BLTP3A: variants seen among roughly 807,000 people sequenced by gnomAD.
BLTP3A encodes the protein ICBP90 binding protein 1.
At chr6:34,840,927 A>G in the BLTP3A span, among the ~76,000 whole-genome samples, 1 of 152,018 alleles carries the variant, frequency 6.6e-6, no homozygotes, top group African/African-American at 2.4e-5. Context: ...CACTTTTTAA[A>G]TACTGCTTTC....
At chr6:34,875,673 T>C in the BLTP3A span, 1 of 152,154 alleles carries the variant, frequency 6.6e-6, no homozygotes, top group Non-Finnish European at 1.5e-5. Context: ...TGTCTTTCCT[T>C]ATGTGGCAGC....
the BLTP3A span, among the ~76,000 whole-genome samples, chr6:34,829,633 T>G: frequency 2.6e-5 from 4 of 151,262 alleles, no homozygotes; most frequent in East Asian, 5.8e-4. Context: ...AGTTTCTGGT[T>G]CTTCTTCTTT....
At chr6:34,871,152 C>A in the BLTP3A span, 1 of 1,586,934 alleles carries the variant, frequency 6.3e-7, no homozygotes, top group Non-Finnish European at 8.6e-7. Context: ...AATGTAAGGG[C>A]ACATTGGTTT....
chr6:34,828,761 C>A, the BLTP3A span, among the ~76,000 whole-genome samples: 4 of 151,884 alleles, frequency 2.6e-5, no homozygotes, highest in Non-Finnish European at 5.9e-5. Flanking sequence ...GGTACAGTGG[C>A]TCATGCCTGT....
chr6:34,852,341 G>A, the BLTP3A span, among the ~76,000 whole-genome samples: 5 of 152,128 alleles, frequency 3.3e-5, no homozygotes, highest in Non-Finnish European at 7.3e-5. Flanking sequence ...GTCAGCAGGC[G>A]ATGAATCCTT....
chr6:34,795,353 C>T, the BLTP3A span, among the ~76,000 whole-genome samples: 2 of 152,104 alleles, frequency 1.3e-5, no homozygotes, highest in African/African-American at 2.4e-5. Context: ...GCCGGGATTA[C>T]AGGGGTGAGC....
chr6:34,836,073 C>T, the BLTP3A span: 1 of 1,501,028 alleles, frequency 6.7e-7, no homozygotes, highest in Non-Finnish European at 8.9e-7. Context: ...TGGTTTTCTT[C>T]AGGCTGGACC....
the BLTP3A span, among the ~76,000 whole-genome samples, chr6:34,793,179 C>G: frequency 0.44 from 66,625 of 152,012 alleles, 16,400 homozygotes; most frequent in African/African-American, 0.67. Context: ...AAACAGTTTT[C>G]AGGTGTAGCC....
At chr6:34,792,828 C>T in the BLTP3A span, among the ~76,000 whole-genome samples, 2 of 152,184 alleles carry the variant, frequency 1.3e-5, no homozygotes, top group Non-Finnish European at 2.9e-5. Flanking sequence ...TAAGCCATTT[C>T]CCCTTAGATT....
chr6:34,850,797 A>G, the BLTP3A span, among the ~76,000 whole-genome samples: 2 of 152,134 alleles, frequency 1.3e-5, no homozygotes, highest in African/African-American at 4.8e-5. Context: ...CCTGGGCTCA[A>G]GTAATTATCT....
chr6:34,862,978 G>A, the BLTP3A span, among the ~76,000 whole-genome samples: 20 of 150,972 alleles, frequency 1.3e-4, 1 homozygote, highest in South Asian at 3.4e-3. Context: ...GTGTGATCTC[G>A]GCTCACTGCT....
At chr6:34,822,252 A>AT in the BLTP3A span, among the ~76,000 whole-genome samples, 1 of 147,112 alleles carries the variant, frequency 6.8e-6, no homozygotes. Context: ...CTTCCCTTGA[A>AT]ATTTTTTTTT....
chr6:34,866,706 CAG>C, the BLTP3A span, among the ~76,000 whole-genome samples: 1 of 152,150 alleles, frequency 6.6e-6, no homozygotes, highest in Non-Finnish European at 1.5e-5. Context: ...TCTTGCGAAA[CAG>C]AAACTCTGTA....
the BLTP3A span, among the ~76,000 whole-genome samples, chr6:34,830,516 G>C: frequency 6.6e-6 from 1 of 151,286 alleles, no homozygotes; most frequent in African/African-American, 2.4e-5. Context: ...CTTGAACCTG[G>C]GAGGCAGATG....
the BLTP3A span, among the ~76,000 whole-genome samples, chr6:34,831,128 ATT>A: frequency 2.8e-4 from 40 of 142,546 alleles, no homozygotes; most frequent in Admixed American, 2.8e-4. Flanking sequence ...ATCACTCTTA[ATT>A]TTTTTTTTTT....
the BLTP3A span, chr6:34,821,659 T>A: frequency 3.7e-6 from 6 of 1,610,192 alleles, no homozygotes; most frequent in African/African-American, 6.7e-5. Flanking sequence ...TCAGGTTCAC[T>A]AAGAATCTTT....
At chr6:34,835,337 TG>T in the BLTP3A span, 1 of 1,614,218 alleles carries the variant, frequency 6.2e-7, no homozygotes, top group East Asian at 2.2e-5. Flanking sequence ...ATGTTCCTGT[TG>T]GATGACCTGC....
the BLTP3A span, among the ~76,000 whole-genome samples, chr6:34,852,530 C>T: frequency 2.0e-5 from 3 of 149,840 alleles, no homozygotes; most frequent in East Asian, 2.0e-4. Context: ...CCCCTGTATT[C>T]GCCCCTCTCC....
At chr6:34,793,524 C>T in the BLTP3A span, among the ~76,000 whole-genome samples, 272 of 152,286 alleles carry the variant, frequency 1.8e-3, no homozygotes, top group African/African-American at 6.0e-3. Flanking sequence ...TCCTGGCTGA[C>T]ACTTTGATCT....
Sources: gnomAD v4.1 joint callset for allele counts (sites outside exome capture counted in the v4.1 genomes callset) on GRCh38, gnomAD v4.1.1 for gene constraint, MANE v1.5 for transcripts, NCBI Gene and HGNC (gene_info 2026-07-23, HGNC 2026-07-21) for gene names.